Variants in COL5A1 observed in about 807,000 individuals in gnomAD.
COL5A1 encodes collagen type V alpha 1 chain.
A neutral mutation model predicts 263.7 loss-of-function variants in COL5A1; 16 were observed. The ratio of observed to expected loss-of-function variants is 0.06; its 90% CI spans 0.04 to 0.09. The LOEUF is 0.09. Among genes scored for constraint, COL5A1 ranks in the 10% least tolerant of loss-of-function variants. The pLI, the probability that COL5A1 is intolerant of heterozygous loss-of-function variation, is 1.00. For missense variants in COL5A1, 2,036 were observed against 2,540.5 expected (o/e 0.80, Z 4.27); for synonymous variants, 1,012 against 1,004.5 (o/e 1.01, Z -0.14).
Position 134,708,822 on chromosome 9 carries a change from A to C in COL5A1, c.654+7489A>C, listed in dbSNP as rs750142113. On this transcript the variant is annotated intron_variant, in intron 4 of 65. Coordinates refer to ENST00000371817, the MANE Select transcript of COL5A1 (RefSeq NM_000093.5). ...CCCAGCTCTGGGCCAGAATTCCAAG[A>C]TCGAGGTGTGGGCGGGGCCGTGCTC... 8.3e-5 allele frequency: 38 copies of C among 456,564 alleles called. No individual in the cohort carries two copies. In the East Asian group the frequency reaches 2.6e-3, roughly 32 times the overall value. The allele number at this position is 456,564 out of a possible 1,614,324, so 28.3% of individuals were successfully genotyped here.
Position 134,844,674 on chromosome 9 carries a change from C to G in COL5A1, c.*2371C>G, listed in dbSNP as rs924865747. The G allele has an allele frequency of 6.6e-6, 1 of 152,254 alleles. No homozygotes were observed. The highest frequency in any genetic ancestry group is 1.9e-4 in the East Asian group (1 of 5,194). 9.4% of individuals were successfully genotyped at this position (152,254 alleles called of 1,614,324 possible). On this transcript the variant is annotated 3_prime_UTR_variant, in exon 66 of 66. Coordinates refer to ENST00000371817, the MANE Select transcript of COL5A1 (RefSeq NM_000093.5). Reference sequence around the variant, plus strand: ...CGAGGACATCAGGCCTTTTGAAATACAATGTCAAATGACACATTGTACGGT... The same window carrying G: ...CGAGGACATCAGGCCTTTTGAAATAGAATGTCAAATGACACATTGTACGGT...
intron 1 of COL5A1, among the ~76,000 whole-genome samples, chr9:134,658,004 T>G (rs1249952711): frequency 6.6e-6 from 1 of 151,950 alleles, no homozygotes; most frequent in Non-Finnish European, 1.5e-5. Context: ...GGCACGGAGA[T>G]GCTGCTGGCT....
Position 134,642,289 on chromosome 9 carries a change from C to T in COL5A1, c.102C>T (p.Ser34=). The T allele has an allele frequency of 8.9e-7, 1 of 1,119,112 alleles. No homozygotes were observed. Among genetic ancestry groups the T allele is most frequent in the Non-Finnish European group, 1.1e-6 (1 of 896,700 alleles). 69.3% of individuals were successfully genotyped at this position (1,119,112 alleles called of 1,614,324 possible). The part of the protein sequence containing the change: ...LLLLLWAPPP[S]RAAQPADLLK... ...TGCTGCTGTGGGCGCCGCCTCCGAG[C>T]CGCGCAGGTAAGGGCGCCCCGGGGC... The change falls in exon 1 of 66, where the codon AGC becomes AGT. Residue 34 remains serine, a synonymous_variant. Coordinates refer to ENST00000371817, the MANE Select transcript of COL5A1 (RefSeq NM_000093.5). The surrounding 1 kb of genome is among the most constrained non-coding windows in gnomAD (Gnocchi z 4.5).
chr9:134,725,458 A>G lies in COL5A1; in HGVS notation c.655-1808A>G, dbSNP rs1834613891. On this transcript the variant is annotated intron_variant, in intron 4 of 65. Coordinates refer to ENST00000371817, the MANE Select transcript of COL5A1 (RefSeq NM_000093.5). ...TTGGTCGGCTTCTATGCATCTGATT[A>G]TGGTCAAAAGATCCTCTGCTTTGGA... is the stretch of plus-strand genomic sequence containing the variant. 2.6e-5 allele frequency among the ~76,000 whole-genome samples: 4 copies of G among 152,170 alleles called. No homozygotes were observed. In the South Asian group the frequency reaches 8.3e-4, roughly 31 times the overall value.
At position 134,765,385 on chromosome 9, in the gene COL5A1, G is replaced by A. The variant is rs1836624868; in HGVS notation, c.2035-296G>A. Among the ~76,000 whole-genome samples, 1 of 152,144 alleles carries A rather than the reference G, an allele frequency of 6.6e-6. No individual in the cohort carries two copies. The highest frequency in any genetic ancestry group is 1.5e-5 in the Non-Finnish European group (1 of 68,028). ...CGTCTGCTCACCTGCCCCAGCAAGT[G>A]TCAGAGGAGCCGGTCAGCTTGAAAG... On this transcript the variant is annotated intron_variant, in intron 20 of 65. Coordinates refer to ENST00000371817, the MANE Select transcript of COL5A1 (RefSeq NM_000093.5). This position sits in a 1 kb window ranked among gnomAD's most constrained non-coding sequence, Gnocchi z 5.1.
At chr9:134,787,185 AGAG>A (rs1837491978) in intron 31 of COL5A1, among the ~76,000 whole-genome samples, 1 of 152,256 alleles carries the variant, frequency 6.6e-6, no homozygotes, top group African/African-American at 2.4e-5. Flanking sequence ...GATGGAAAGA[AGAG>A]AAGTTTGGGA....
At chr9:134,774,553 C>T (rs1004402063) in intron 26 of COL5A1, among the ~76,000 whole-genome samples, 6 of 152,224 alleles carry the variant, frequency 3.9e-5, no homozygotes, top group African/African-American at 4.8e-5. Context: ...AGAGCTCCAA[C>T]GCTGACCTTT....
At chr9:134,766,145 C>A (rs1393526485) in intron 21 of COL5A1, among the ~76,000 whole-genome samples, 1 of 152,144 alleles carries the variant, frequency 6.6e-6, no homozygotes, top group Non-Finnish European at 1.5e-5. Context: ...TGGGCAGCTC[C>A]CCCAGGGCCA....
intron 1 of COL5A1, among the ~76,000 whole-genome samples, chr9:134,646,911 C>T (rs1291207523): frequency 2.0e-5 from 3 of 152,238 alleles, no homozygotes; most frequent in Non-Finnish European, 4.4e-5. Flanking sequence ...GGACAAGTCA[C>T]TGCACCTCAG....
In COL5A1 at chr9:134,763,736, C is replaced by G; in HGVS notation, c.2033C>G (p.Pro678Arg). The G allele has an allele frequency of 6.2e-7, 1 of 1,613,540 alleles. No homozygotes were observed. The highest frequency in any genetic ancestry group is 8.5e-7 in the Non-Finnish European group (1 of 1,179,712). The part of the protein sequence containing the change: ...EVGPRGLPGE[P>R]GPRGLLGPKG... The stretch of plus-strand genomic sequence containing the variant: ...GGGCCCAGGGGGCTGCCTGGGGAGC[C>G]CGTAAGTCTGTGAGCTGAGTGGGAC... Residue 678 changes from proline (P) to arginine (R), a missense_variant and splice_region_variant, in exon 20 of 66, where the codon CCC (proline) becomes CGC (arginine). Around this residue, in one of 3 missense-constraint regions of COL5A1, gnomAD observed 1,078 missense variants for 1,521.4 expected, o/e 0.71. Transcript: ENST00000371817.
chr9:134,701,389 C>G, intron 4 of COL5A1, 56 bp downstream of exon 4: 2 of 1,557,024 alleles, frequency 1.3e-6, no homozygotes, highest in Non-Finnish European at 1.8e-6. Context: ...TCCTGTGGAG[C>G]CACTGTGACT....
At position 134,677,541 on chromosome 9, in the gene COL5A1, A is replaced by G. The variant is rs1478371019; in HGVS notation, c.110-13371A>G. ...CTCTTGCCCCTGATGCTGAAATGAT[A>G]GGAGGGTGAGGTTTATCAGCGGGAT... On this transcript the variant is annotated intron_variant, in intron 1 of 65. Transcript: ENST00000371817. This position sits in a 1 kb window ranked among gnomAD's most constrained non-coding sequence, Gnocchi z 4.4. Among the ~76,000 whole-genome samples the G allele has an allele frequency of 6.6e-6, 1 of 152,162 alleles. No homozygotes were observed. The highest frequency in any genetic ancestry group is 1.9e-4 in the East Asian group (1 of 5,190).
At chr9:134,826,477 G>A (rs529205182) in intron 63 of COL5A1, among the ~76,000 whole-genome samples, 7 of 152,336 alleles carry the variant, frequency 4.6e-5, no homozygotes, top group East Asian at 1.9e-4. Context: ...GGAGGCCTCA[G>A]CGCTGTAGCA....
chr9:134,747,928 TACAC>T (rs199866097), intron 11 of COL5A1, among the ~76,000 whole-genome samples: 4 of 130,062 alleles, frequency 3.1e-5, no homozygotes, highest in East Asian at 2.4e-4. Flanking sequence ...CATGCATTCA[TACAC>T]ACATGCATTC....
At chr9:134,743,817 C>T (rs775881561) in intron 11 of COL5A1, among the ~76,000 whole-genome samples, 2 of 152,186 alleles carry the variant, frequency 1.3e-5, no homozygotes, top group Non-Finnish European at 2.9e-5. Context: ...TGGGATTTTG[C>T]GTGAGTGCAT....
Position 134,700,002 on chromosome 9 carries a change from G to A in COL5A1, c.371G>A (p.Gly124Asp). ...CTGGTCTCCATCTACAACGAGCAGG[G>A]TATCCAGCAGATTGGGCTGGAGCTG... ...AFLVSIYNEQGIQQIGLELGR... is the reference protein window; with the variant it reads ...AFLVSIYNEQDIQQIGLELGR... The change falls in exon 3 of 66, where the codon GGT becomes GAT. Residue 124 changes from glycine (G) to aspartate (D), a missense_variant. By Grantham distance (94) the Gly-to-Asp change is moderately conservative (BLOSUM62 -1). Coordinates refer to ENST00000371817, the MANE Select transcript of COL5A1 (RefSeq NM_000093.5). The surrounding 1 kb of genome is among the most constrained non-coding windows in gnomAD (Gnocchi z 4.0). 1 of 1,613,818 alleles carries A rather than the reference G, an allele frequency of 6.2e-7. No homozygotes were observed. The highest frequency in any genetic ancestry group is 8.5e-7 in the Non-Finnish European group (1 of 1,180,030).
chr9:134,808,051 C>T (rs2132835541), intron 42 of COL5A1, among the ~76,000 whole-genome samples: 2 of 152,244 alleles, frequency 1.3e-5, no homozygotes, highest in South Asian at 4.1e-4. Context: ...CACAAAAGCC[C>T]CACACGTGGT....
At chr9:134,795,383 C>A in intron 34 of COL5A1, 68 bp downstream of exon 34, 1 of 1,333,642 alleles carries the variant, frequency 7.5e-7, no homozygotes, top group Non-Finnish European at 1.1e-6. Flanking sequence ...AGACGTGGAG[C>A]GTCTGAGGGT....
chr9:134,720,726 A>T (rs1445691037), intron 4 of COL5A1, among the ~76,000 whole-genome samples: 1 of 152,026 alleles, frequency 6.6e-6, no homozygotes, highest in Non-Finnish European at 1.5e-5. Context: ...TGAAATGGGG[A>T]GACTGTGGCT....
Sources: gnomAD v4.1 joint callset for allele counts (sites outside exome capture counted in the v4.1 genomes callset) on GRCh38, gnomAD v4.1.1 for gene constraint, gnomAD v4.1.1 regional missense constraint, Gnocchi (gnomAD v3.1) non-coding constraint, MANE v1.5 for transcripts, NCBI Gene and HGNC (gene_info 2026-07-23, HGNC 2026-07-21) for gene names.